GALNT13: variants seen among roughly 807,000 people sequenced by gnomAD.
GALNT13 encodes the protein UDP-GalNAc:polypeptide N-acetylgalactosaminyltransferase 13.
GALNT13 carries 28 observed loss-of-function variants against 64.2 expected under a neutral mutation model. That is an observed-to-expected ratio of 0.44 (90% confidence interval 0.32 to 0.60). The LOEUF (loss-of-function observed/expected upper bound fraction) is 0.60, where lower values mean the gene tolerates loss of function less well. GALNT13 is among the 20% of genes least tolerant of loss of function. The pLI is 0.05. For synonymous variants in GALNT13, 214 were observed against 224.6 expected (o/e 0.95, Z 0.42); for missense variants, 577 against 669.8 (o/e 0.86, Z 1.53).
chr2:153,324,770 G>A, the GALNT13 span, among the ~76,000 whole-genome samples: 25 of 152,256 alleles, frequency 1.6e-4, no homozygotes, highest in South Asian at 2.1e-3. Flanking sequence ...TTCTGTTTAT[G>A]TGATGGATTA....
rs70983718 is a variant in GALNT13 at position 154,322,144 on chromosome 2, C to CTTTTTTT, written c.1156+20579_1156+20585dup. ...TTGAGTTTACTTTCTAAAATATGTACTTTTTTTTTTTTTTTTTTTTTTTTT... is the reference window on the plus strand; with the variant it reads ...TTGAGTTTACTTTCTAAAATATGTACTTTTTTTTTTTTTTTTTTTTTTTTTTTTTTTT... On this transcript the variant is annotated intron_variant, in intron 9 of 12. Transcript: ENST00000392825. Among the ~76,000 whole-genome samples, 153 of 16,656 alleles carry CTTTTTTT rather than the reference C, an allele frequency of 9.2e-3. 3 individuals are homozygous for CTTTTTTT. The highest frequency in any genetic ancestry group is 0.01 in the Admixed American group (10 of 962). The allele number at this position is 16,656 out of a possible 152,430, so 10.9% of individuals were successfully genotyped here.
the GALNT13 span, among the ~76,000 whole-genome samples, chr2:153,201,973 CTTTTTTTTTTTTTTTT>C: frequency 9.2e-6 from 1 of 108,900 alleles, no homozygotes; most frequent in East Asian, 2.5e-4. Flanking sequence ...CCACCCATTT[CTTTTTTTTTTTTTTTT>C]TTTTTTGAGA....
intron 3 of GALNT13, among the ~76,000 whole-genome samples, chr2:154,032,542 G>A (rs1009698325): frequency 6.6e-6 from 1 of 151,508 alleles, no homozygotes; most frequent in South Asian, 2.1e-4. Flanking sequence ...TCATCTAGTA[G>A]CATATTAAAA....
chr2:154,112,226 G>T (rs760999798), intron 3 of GALNT13, among the ~76,000 whole-genome samples: 63 of 152,220 alleles, frequency 4.1e-4, no homozygotes, highest in Admixed American at 1.7e-3. Flanking sequence ...GCACTCAGCA[G>T]TCACTGTAGC....
chr2:153,598,759 G>C, the GALNT13 span, among the ~76,000 whole-genome samples: 1 of 152,012 alleles, frequency 6.6e-6, no homozygotes, highest in Non-Finnish European at 1.5e-5. Context: ...GAGAATATTA[G>C]TAATAGCTGT....
chr2:153,751,173 T>C, the GALNT13 span, among the ~76,000 whole-genome samples: 1 of 151,928 alleles, frequency 6.6e-6, no homozygotes, highest in Non-Finnish European at 1.5e-5. Flanking sequence ...TTAGAGAAAA[T>C]GCCTGATATT....
the GALNT13 span, among the ~76,000 whole-genome samples, chr2:153,727,906 C>T: frequency 1.3e-5 from 2 of 152,142 alleles, no homozygotes; most frequent in East Asian, 3.9e-4. Flanking sequence ...TCCCCTTACC[C>T]ACTGACAGGT....
the GALNT13 span, among the ~76,000 whole-genome samples, chr2:153,842,374 A>T: frequency 7.2e-5 from 11 of 152,160 alleles, no homozygotes; most frequent in African/African-American, 2.7e-4. Context: ...TGGTGAGAAA[A>T]ATATTGGTGA....
At chr2:153,293,442 T>A in the GALNT13 span, among the ~76,000 whole-genome samples, 1 of 152,098 alleles carries the variant, frequency 6.6e-6, no homozygotes, top group South Asian at 2.1e-4. Context: ...TACTACTACC[T>A]TGAAGATGTA....
intron 3 of GALNT13, among the ~76,000 whole-genome samples, chr2:154,067,245 T>C (rs565984591): frequency 2.6e-5 from 4 of 151,944 alleles, no homozygotes; most frequent in East Asian, 1.9e-4. Flanking sequence ...ACAAAACCAC[T>C]ATAAAAGAAA....
chr2:153,440,256 C>T, the GALNT13 span, among the ~76,000 whole-genome samples: 1 of 152,142 alleles, frequency 6.6e-6, no homozygotes, highest in African/African-American at 2.4e-5. Flanking sequence ...CAGCTTCATC[C>T]ATGTCCCTGC....
intron 9 of GALNT13, among the ~76,000 whole-genome samples, chr2:154,328,027 C>T (rs1228937572): frequency 1.3e-5 from 2 of 151,986 alleles, no homozygotes; most frequent in African/African-American, 4.8e-5. Context: ...TAGTATATAG[C>T]ACTTCTGTTT....
intron 9 of GALNT13, among the ~76,000 whole-genome samples, chr2:154,380,895 A>C (rs1698238079): frequency 6.6e-6 from 1 of 151,892 alleles, no homozygotes; most frequent in Admixed American, 6.6e-5. Flanking sequence ...TCAGGCTGAA[A>C]CCTTTAGTTT....
At chr2:153,477,881 C>T in the GALNT13 span, 8 of 300,034 alleles carry the variant, frequency 2.7e-5, no homozygotes, top group Admixed American at 4.7e-5. Context: ...CTCCCCTGCC[C>T]GCCCTCTCCA....
At chr2:153,492,470 A>T in the GALNT13 span, among the ~76,000 whole-genome samples, 1 of 152,222 alleles carries the variant, frequency 6.6e-6, no homozygotes, top group Non-Finnish European at 1.5e-5. Flanking sequence ...ATTCAATAAC[A>T]GGTGAGTGCA....
intron 11 of GALNT13, among the ~76,000 whole-genome samples, chr2:154,416,400 G>A (rs1700009685): frequency 6.6e-6 from 1 of 151,968 alleles, no homozygotes; most frequent in Non-Finnish European, 1.5e-5. Flanking sequence ...TCATTCCTCG[G>A]GGCAGAGACT....
the GALNT13 span, among the ~76,000 whole-genome samples, chr2:153,675,130 CTGTG>C: frequency 3.3e-5 from 5 of 152,202 alleles, no homozygotes; most frequent in Non-Finnish European, 5.9e-5. Flanking sequence ...TTGTGGAAGA[CTGTG>C]TGGTGATTCC....
chr2:153,414,157 C>T, the GALNT13 span, among the ~76,000 whole-genome samples: 30 of 152,098 alleles, frequency 2.0e-4, no homozygotes, highest in African/African-American at 6.5e-4. Flanking sequence ...GGGCAGATCA[C>T]GAGGTCAGGA....
At chr2:153,470,560 A>G in the GALNT13 span, among the ~76,000 whole-genome samples, 1 of 151,920 alleles carries the variant, frequency 6.6e-6, no homozygotes, top group South Asian at 2.1e-4. Flanking sequence ...GTGGAGAGAG[A>G]TTTTCTGAGA....
Sources: gnomAD v4.1 joint callset for allele counts (sites outside exome capture counted in the v4.1 genomes callset) on GRCh38, gnomAD v4.1.1 for gene constraint, MANE v1.5 for transcripts, NCBI Gene and HGNC (gene_info 2026-07-23, HGNC 2026-07-21) for gene names.